Variants in PRSS53 observed in about 807,000 individuals in gnomAD.
The protein encoded by PRSS53 is serine protease 53.
In PRSS53, 54 loss-of-function variants were observed where a neutral mutation model predicts 62.7. The observed-to-expected ratio is 0.86, with a 90% CI of 0.69 to 1.08. The LOEUF is 1.08. PRSS53 is among the 50% of genes least tolerant of loss of function. PRSS53 has a pLI of 0.00. For synonymous variants in PRSS53, 273 were observed against 300.0 expected, an observed-to-expected ratio of 0.91 and a Z score of 0.93; for missense variants, 688 against 728.3, an observed-to-expected ratio of 0.94 and a Z score of 0.64.
chr16:31,087,688 G>A lies in PRSS53; in HGVS notation c.91C>T (p.Arg31Cys), dbSNP rs377044450. The A allele has an allele frequency of 6.3e-5, 101 of 1,612,488 alleles. No individual in the cohort carries two copies. The highest frequency in any genetic ancestry group is 7.7e-5 in the Non-Finnish European group (91 of 1,179,464). ...TGAGGCTTGGGGGGGCCGGGGCCAC[G>A]CTGTCCACAGGCTGTGGAAAGGAGT... The change falls in exon 3 of 11, where the codon CGT (arginine) becomes TGT (cysteine). Residue 31 changes from arginine to cysteine, a missense_variant. By Grantham distance (180) the Arg-to-Cys change is radical. Transcript: ENST00000280606.
exon 5 of PRSS53, chr16:31,086,445 G>C: frequency 6.2e-7 from 1 of 1,614,038 alleles, no homozygotes; most frequent in Non-Finnish European, 8.5e-7. Flanking sequence ...AGTTACATGT[G>C]GGGCGACTGA....
Position 31,086,702 on chromosome 16 carries a change from G to A in PRSS53, c.439C>T (p.Gln147Ter), listed in dbSNP as rs932994324. 1.3e-6 allele frequency: 2 copies of A among 1,566,252 alleles called. No individual in the cohort carries two copies. The highest frequency in any genetic ancestry group is 1.7e-6 in the Non-Finnish European group (2 of 1,154,944). ...CCAAAGGGGAAGCGATGGGCGGGCTGGGGCAGGCAGAGGGGTGTGTGGGTC... is the reference window on the plus strand; with the variant it reads ...CCAAAGGGGAAGCGATGGGCGGGCTAGGGCAGGCAGAGGGGTGTGTGGGTC... Residue 147 changes from glutamine to a stop codon, truncating the protein, a stop_gained, in exon 4 of 11, where the codon CAG (glutamine) becomes TAG (stop). Coordinates refer to ENST00000280606, the Ensembl canonical transcript of PRSS53. LOFTEE classifies it high-confidence loss of function.
intron 1 of PRSS53, 151 bp from the exon 2 acceptor site, chr16:31,087,977 G>A (rs1255114668): frequency 6.5e-7 from 1 of 1,532,704 alleles, no homozygotes; most frequent in Non-Finnish European, 8.8e-7. Flanking sequence ...ATATTTATAT[G>A]AGGCCGAGAC....
chr16:31,087,041 G>T, intron 3 of PRSS53, 143 bp from the exon 4 acceptor site: 1 of 847,144 alleles, frequency 1.2e-6, no homozygotes, highest in Non-Finnish European at 1.8e-6. Context: ...CTGTCGCCCA[G>T]GCTGCAGTGC....
chr16:31,084,862 C>T (rs1358094919), exon 8 of PRSS53: 1 of 1,548,438 alleles, frequency 6.5e-7, no homozygotes. Flanking sequence ...GGCAGAGGGG[C>T]CGCAGGCTGG....
At position 31,086,349 on chromosome 16, in the gene PRSS53, C is replaced by G. The variant is rs368809497; in HGVS notation, c.651G>C (p.Gln217His). The G allele has an allele frequency of 1.9e-6, 3 of 1,612,590 alleles. No individual in the cohort carries two copies. Among genetic ancestry groups the G allele is most frequent in the East Asian group, 4.5e-5 (2 of 44,856 alleles). ...CTCCCTATCAGACCTGACAGGGGCC[C>G]TGCACCCCAGGCTGGGGGCCCCCAC... The change falls in exon 5 of 11, where the codon CAG becomes CAC. Residue 217 changes from glutamine (Q) to histidine (H), a missense_variant. By Grantham distance (24) the Gln-to-His change is conservative (BLOSUM62 0). Transcript: ENST00000280606.
chr16:31,088,843 C>T lies in PRSS53; in HGVS notation c.-34G>A, dbSNP rs376473958. 11 of 1,612,420 alleles carry T rather than the reference C, an allele frequency of 6.8e-6. No individual in the cohort carries two copies. In the African/African-American group the frequency reaches 1.1e-4, roughly 16 times the overall value. ...GGGCCACTCTGCCACCTGTGCTCCACTCTGAGAGAGGCCACCTGGGTCTCC... is the reference window on the plus strand; with the variant it reads ...GGGCCACTCTGCCACCTGTGCTCCATTCTGAGAGAGGCCACCTGGGTCTCC... On this transcript the variant is annotated 5_prime_UTR_variant, in exon 1 of 11. In the 5' UTR this introduces an upstream ATG that the reference lacks. Transcript: ENST00000280606.
Position 31,086,448 on chromosome 16 carries a change from G to C in PRSS53, c.552C>G (p.Arg184=), listed in dbSNP as rs369159765. Residue 184 remains arginine, a synonymous_variant, in exon 5 of 11, where the codon CGC becomes CGG. Transcript: ENST00000280606. ...GGTTGTAGATACAGTTACATGTGGGGCGACTGATGAGACGCAGGCGCAGAT... is the reference window on the plus strand; with the variant it reads ...GGTTGTAGATACAGTTACATGTGGGCCGACTGATGAGACGCAGGCGCAGAT... 43 of 1,613,972 alleles carry C rather than the reference G, an allele frequency of 2.7e-5. No individual in the cohort carries two copies. The South Asian group carries it at 4.3e-4, about 16-fold the overall frequency.
chr16:31,084,846 A>G (rs1486666565), exon 8 of PRSS53: 1 of 1,550,970 alleles, frequency 6.4e-7, no homozygotes, highest in South Asian at 1.2e-5. Flanking sequence ...TGGTCAGGAT[A>G]GGGCAGGCAG....
At chr16:31,084,961 C>T (rs2057216563) in exon 8 of PRSS53, 1 of 1,556,166 alleles carries the variant, frequency 6.4e-7, no homozygotes, top group South Asian at 1.2e-5. Flanking sequence ...GGATGAGCTG[C>T]TTCAGGCCCC....
At chr16:31,083,543 A>T (rs776712436) in exon 11 of PRSS53, 11 of 1,421,682 alleles carry the variant, frequency 7.7e-6, no homozygotes, top group Non-Finnish European at 1.0e-5. Context: ...CTGAAAGGGT[A>T]AAGGAGGAGG....
At chr16:31,087,478 G>C in intron 3 of PRSS53, 59 bp downstream of exon 3, 1 of 1,358,276 alleles carries the variant, frequency 7.4e-7, no homozygotes, top group Non-Finnish European at 1.0e-6. Context: ...TGTGGGGCTT[G>C]AGACAAATTG....
At chr16:31,085,533 C>T (rs191485870) in intron 6 of PRSS53, among the ~76,000 whole-genome samples, 42 of 152,304 alleles carry the variant, frequency 2.8e-4, no homozygotes, top group African/African-American at 9.9e-4. Context: ...CTCCCCTGCT[C>T]CACCCGTCTG....
At position 31,084,281 on chromosome 16, in the gene PRSS53, C is replaced by T. The variant is rs989150303; in HGVS notation, c.1480G>A (p.Gly494Arg). ...CAAGCATCTCCGAAGCTGTGCAGCC[C>T]GGCCAGGAACCATGTGCCCCTCACC... The change falls in exon 10 of 11, where the codon GGG (glycine) becomes AGG (arginine). Residue 494 changes from glycine to arginine, a missense_variant. Transcript: ENST00000280606. 19 of 1,612,808 alleles carry T rather than the reference C, an allele frequency of 1.2e-5. No homozygotes were observed. The highest frequency in any genetic ancestry group is 9.3e-5 in the African/African-American group (7 of 74,948).
chr16:31,087,892 G>A, intron 1 of PRSS53, 66 bp from the exon 2 acceptor site: 1 of 1,600,190 alleles, frequency 6.2e-7, no homozygotes, highest in Non-Finnish European at 8.5e-7. Flanking sequence ...GGGAGGAGAG[G>A]GGATGGGCTG....
exon 8 of PRSS53, chr16:31,084,888 G>T (rs781592805): frequency 1.9e-6 from 3 of 1,545,502 alleles, no homozygotes; most frequent in South Asian, 1.2e-5. Context: ...AGTGTCACAG[G>T]CTGGGCCAGC....
At chr16:31,086,375 A>G in exon 5 of PRSS53, 4 of 1,613,758 alleles carry the variant, frequency 2.5e-6, no homozygotes, top group Non-Finnish European at 3.4e-6. Context: ...GGGCCCCCAC[A>G]TAGCATCCCA....
At position 31,088,014 on chromosome 16, in the gene PRSS53, GCA is replaced by G. The variant is rs147377876; in HGVS notation, c.59-190_59-189del. ...GCTTTTATTGGAACCTATTCAGTGT[GCA>G]CACTCAGTAATTAATTCTCCTTCAG... On this transcript the variant is annotated intron_variant, in intron 1 of 10. Transcript: ENST00000280606. 1.4e-4 allele frequency: 200 copies of G among 1,481,244 alleles called. 1 individual carries two copies. In the East Asian group the frequency reaches 3.1e-3, roughly 23 times the overall value. 91.8% of individuals were successfully genotyped at this position (1,481,244 alleles called of 1,614,324 possible). A position where few individuals can be genotyped will look rare whatever the true frequency, so the allele number is the denominator to read the frequency against.
rs142295277 is a variant in PRSS53, at chr16:31,088,545, C to G, written c.58+207G>C. 3.0e-4 allele frequency: 429 copies of G among 1,432,990 alleles called. 1 individual carries two copies. The highest frequency in any genetic ancestry group is 3.8e-4 in the Non-Finnish European group (414 of 1,093,992). The allele number at this position is 1,432,990 out of a possible 1,614,324, so 88.8% of individuals were successfully genotyped here. ...CACAAGACCACAGGCCCCGCCAACG[C>G]AAACTGCAGCTGGCCCGAGAAAATC... is the stretch of plus-strand genomic sequence containing the variant. On this transcript the variant is annotated intron_variant, in intron 1 of 10. Transcript: ENST00000280606.
Sources: gnomAD v4.1 joint callset for allele counts (sites outside exome capture counted in the v4.1 genomes callset) on GRCh38, gnomAD v4.1.1 for gene constraint, MANE v1.5 for transcripts, NCBI Gene and HGNC (gene_info 2026-07-23, HGNC 2026-07-21) for gene names.